Variants in RASAL2 observed in about 807,000 individuals in gnomAD.
RASAL2 encodes ras GTPase-activating protein nGAP.
In RASAL2, 58 loss-of-function variants were observed where a neutral mutation model predicts 128.9. That is an observed-to-expected ratio of 0.45 (90% CI 0.36 to 0.56). The LOEUF (loss-of-function observed/expected upper bound fraction) is 0.56, where lower values mean the gene tolerates loss of function less well. Among genes scored for constraint, RASAL2 ranks in the 20% least tolerant of loss-of-function variants. RASAL2 has a pLI of 0.00. For synonymous variants in RASAL2, 561 were observed against 580.8 expected (o/e 0.97, Z 0.49); for missense variants, 1,360 against 1,601.6 (o/e 0.85, Z 2.57).
chr1:178,113,087 A>G (rs920463961), intron 1 of RASAL2, among the ~76,000 whole-genome samples: 1 of 152,166 alleles, frequency 6.6e-6, no homozygotes, highest in Non-Finnish European at 1.5e-5. Flanking sequence ...TGGATATCAA[A>G]TAGCACCATT....
At chr1:178,343,029 T>A (rs552197150) in intron 3 of RASAL2, among the ~76,000 whole-genome samples, 4 of 152,214 alleles carry the variant, frequency 2.6e-5, no homozygotes, top group African/African-American at 9.6e-5. Flanking sequence ...GAGGCCACAC[T>A]ATTCTAGTGA....
intron 3 of RASAL2, among the ~76,000 whole-genome samples, chr1:178,358,310 G>A (rs1430966267): frequency 6.6e-6 from 1 of 150,840 alleles, no homozygotes; most frequent in African/African-American, 2.4e-5. Flanking sequence ...AAGACTGGTG[G>A]GGTTGGCCAT....
chr1:178,227,757 G>A (rs867567558), intron 1 of RASAL2, among the ~76,000 whole-genome samples: 1 of 152,206 alleles, frequency 6.6e-6, no homozygotes, highest in Admixed American at 6.5e-5. Context: ...TGCTTTAAAT[G>A]TTATAAATTG....
intron 3 of RASAL2, among the ~76,000 whole-genome samples, chr1:178,345,505 C>G (rs140457782): frequency 1.3e-3 from 205 of 152,188 alleles, no homozygotes; most frequent in African/African-American, 4.8e-3. Context: ...TGTTGTGTAA[C>G]TATTCGTAAA....
chr1:178,388,993 A>T (rs932879609), intron 3 of RASAL2, among the ~76,000 whole-genome samples: 2 of 152,072 alleles, frequency 1.3e-5, no homozygotes, highest in Admixed American at 6.5e-5. Context: ...GAAGAGCAAG[A>T]CACAGAGAGG....
At chr1:178,456,263 C>A (rs1390872825) in intron 12 of RASAL2, among the ~76,000 whole-genome samples, 1 of 152,172 alleles carries the variant, frequency 6.6e-6, no homozygotes, top group Non-Finnish European at 1.5e-5. Context: ...TCTTTTCTCA[C>A]ATGATCCCTT....
chr1:178,384,092 G>C (rs1160450146), intron 3 of RASAL2, among the ~76,000 whole-genome samples: 1 of 152,024 alleles, frequency 6.6e-6, no homozygotes, highest in Non-Finnish European at 1.5e-5. Context: ...TATTAAAGAG[G>C]CATGTGAATA....
At chr1:178,117,112 C>A (rs1659546441) in intron 1 of RASAL2, among the ~76,000 whole-genome samples, 1 of 152,102 alleles carries the variant, frequency 6.6e-6, no homozygotes, top group African/African-American at 2.4e-5. Flanking sequence ...TATTGAAGAA[C>A]ACTTATTAAG....
At chr1:178,295,888 A>G (rs1485572914) in intron 2 of RASAL2, among the ~76,000 whole-genome samples, 1 of 152,238 alleles carries the variant, frequency 6.6e-6, no homozygotes, top group Non-Finnish European at 1.5e-5. Context: ...AGGAAAAGAA[A>G]TAAGAAGAGC....
intron 1 of RASAL2, among the ~76,000 whole-genome samples, chr1:178,229,686 A>G (rs1663924893): frequency 6.6e-6 from 1 of 152,044 alleles, no homozygotes; most frequent in Non-Finnish European, 1.5e-5. Context: ...CATTCTCTTC[A>G]ATGTATTTAC....
At chr1:178,162,419 A>AATATTATATATATTTTATAT (rs1278151631) in intron 1 of RASAL2, among the ~76,000 whole-genome samples, 29 of 118,852 alleles carry the variant, frequency 2.4e-4, no homozygotes, top group African/African-American at 9.8e-4. Flanking sequence ...TATTATATAT[A>AATATTATATATATTTTATAT]ATATTATATA....
intron 4 of RASAL2, among the ~76,000 whole-genome samples, chr1:178,394,564 G>GAACT (rs1363495955): frequency 1.3e-5 from 2 of 152,124 alleles, no homozygotes; most frequent in African/African-American, 2.4e-5. Context: ...GGTCAAGAGG[G>GAACT]AACTGCTTGT....
intron 3 of RASAL2, among the ~76,000 whole-genome samples, chr1:178,339,114 T>G (rs16852708): frequency 0.25 from 37,764 of 152,148 alleles, 7,437 homozygotes; most frequent in African/African-American, 0.55. Context: ...ATCTATTTTC[T>G]GATGCCAGCC....
At chr1:178,327,535 A>G (rs1669094253) in intron 3 of RASAL2, among the ~76,000 whole-genome samples, 1 of 151,908 alleles carries the variant, frequency 6.6e-6, no homozygotes, top group South Asian at 2.1e-4. Context: ...TTTTTTTAAT[A>G]GAGACAGTAT....
At chr1:178,448,118 T>C (rs111798624) in intron 9 of RASAL2, among the ~76,000 whole-genome samples, 2 of 151,958 alleles carry the variant, frequency 1.3e-5, no homozygotes, top group East Asian at 1.9e-4. Flanking sequence ...GGGCCAAGGA[T>C]AGATCTTAGA....
intron 3 of RASAL2, among the ~76,000 whole-genome samples, chr1:178,318,311 G>A (rs1487576459): frequency 3.4e-5 from 5 of 147,472 alleles, no homozygotes; most frequent in South Asian, 2.2e-4. Context: ...TATTAGGTCC[G>A]CTTGGTGCAG....
intron 1 of RASAL2, among the ~76,000 whole-genome samples, chr1:178,126,543 A>C (rs1340298308): frequency 6.6e-6 from 1 of 152,210 alleles, no homozygotes; most frequent in African/African-American, 2.4e-5. Flanking sequence ...ATTACCTTTT[A>C]AAAAACACTT....
chr1:178,269,253 G>T (rs1353196225), intron 1 of RASAL2, among the ~76,000 whole-genome samples: 2 of 152,314 alleles, frequency 1.3e-5, no homozygotes, highest in East Asian at 3.9e-4. Flanking sequence ...CCAGTACCTT[G>T]ATCTTGGACT....
chr1:178,335,547 A>AAC (rs1211415197), intron 3 of RASAL2, among the ~76,000 whole-genome samples: 1 of 151,892 alleles, frequency 6.6e-6, no homozygotes, highest in Non-Finnish European at 1.5e-5. Context: ...TCTCCCTTAA[A>AAC]ACACACACAC....
Sources: allele counts gnomAD v4.1 joint callset (sites outside exome capture counted in the v4.1 genomes callset), GRCh38; gene constraint gnomAD v4.1.1; transcripts MANE v1.5; gene names NCBI Gene and HGNC (gene_info 2026-07-23, HGNC 2026-07-21).